SUFU: variants seen among roughly 807,000 people sequenced by gnomAD.
SUFU encodes the protein suppressor of fused homolog.
SUFU carries 7 observed loss-of-function variants against 58.9 expected under a neutral mutation model. That is an observed-to-expected ratio of 0.12 (90% CI 0.07 to 0.22). The LOEUF (loss-of-function observed/expected upper bound fraction) is 0.22. Among genes scored for constraint, SUFU ranks in the 10% least tolerant of loss-of-function variants. The pLI, the probability that SUFU is intolerant of heterozygous loss-of-function variation, is 1.00. For synonymous variants in SUFU, 232 were observed against 254.8 expected, an observed-to-expected ratio of 0.91 and a Z score of 0.85; for missense variants, 451 against 641.3, an observed-to-expected ratio of 0.70 and a Z score of 3.20.
At chr10:102,544,986 G>T (rs6584511) in intron 2 of SUFU, among the ~76,000 whole-genome samples, 1 of 152,226 alleles carries the variant, frequency 6.6e-6, no homozygotes, top group Non-Finnish European at 1.5e-5. Flanking sequence ...CATTGTACAG[G>T]TATACCATAT....
In SUFU at chr10:102,631,447, G is replaced by A. The variant is rs542850144; in HGVS notation, c.*1292G>A. On this transcript the variant is annotated 3_prime_UTR_variant, in exon 12 of 12. Coordinates refer to ENST00000369902, the MANE Select transcript of SUFU (RefSeq NM_016169.4). The stretch of plus-strand genomic sequence containing the variant: ...AGCCCATGGTTTTGGAGTTCCTCTC[G>A]GGTTATCTCCCACGCCTGACCTGGA... 4.3e-6 allele frequency: 1 copy of A among 233,500 alleles called. No individual in the cohort carries two copies. Among genetic ancestry groups the A allele is most frequent in the Admixed American group, 5.6e-5 (1 of 17,788 alleles). 14.5% of individuals were successfully genotyped at this position (233,500 alleles called of 1,614,324 possible). A position where few individuals can be genotyped will look rare whatever the true frequency, so the allele number is the denominator to read the frequency against.
chr10:102,528,961 C>CT (rs33942579), intron 2 of SUFU, among the ~76,000 whole-genome samples: 30,969 of 131,066 alleles, frequency 0.24, 3,734 homozygotes, highest in Middle Eastern at 0.31. Flanking sequence ...TTTTTCCTTT[C>CT]TTTTTTTTTT....
chr10:102,620,109 T>C (rs928702225), intron 10 of SUFU, among the ~76,000 whole-genome samples: 2 of 152,132 alleles, frequency 1.3e-5, no homozygotes, highest in Admixed American at 1.3e-4. Flanking sequence ...GACCCAGTCT[T>C]ATGTTCTCTT....
At chr10:102,521,519 A>G (rs925666600) in intron 2 of SUFU, among the ~76,000 whole-genome samples, 2 of 152,078 alleles carry the variant, frequency 1.3e-5, no homozygotes, top group African/African-American at 2.4e-5. Flanking sequence ...TCTCCACCTT[A>G]TATTCTCCAA....
intron 3 of SUFU, among the ~76,000 whole-genome samples, chr10:102,565,571 G>A (rs1390956452): frequency 6.6e-6 from 1 of 152,212 alleles, no homozygotes; most frequent in Non-Finnish European, 1.5e-5. Flanking sequence ...TTGAGACGGA[G>A]TCTCGCTCTG....
At chr10:102,512,595 A>G (rs1025223588) in intron 2 of SUFU, among the ~76,000 whole-genome samples, 4 of 152,188 alleles carry the variant, frequency 2.6e-5, no homozygotes, top group African/African-American at 7.2e-5. Flanking sequence ...TCATTTCTAC[A>G]TGGTACAGCA....
At chr10:102,567,639 G>A (rs146536143) in intron 3 of SUFU, among the ~76,000 whole-genome samples, 1 of 152,188 alleles carries the variant, frequency 6.6e-6, no homozygotes, top group Non-Finnish European at 1.5e-5. Context: ...TTGAGCCAGG[G>A]GAGGAAGAGA....
At chr10:102,596,968 T>G (rs1358180528) in intron 6 of SUFU, among the ~76,000 whole-genome samples, 172 bp from the exon 7 acceptor site, 1 of 152,122 alleles carries the variant, frequency 6.6e-6, no homozygotes, top group Non-Finnish European at 1.5e-5. Context: ...GAGACCATCA[T>G]GCATTGGTAA....
rs970756812 is a variant in SUFU at position 102,631,427 on chromosome 10, A to G, written c.*1272A>G. On this transcript the variant is annotated 3_prime_UTR_variant, in exon 12 of 12. Coordinates refer to ENST00000369902, the MANE Select transcript of SUFU (RefSeq NM_016169.4). ...CCAGAAGCCAGCCTATCTCTAGCCC[A>G]TGGTTTTGGAGTTCCTCTCGGGTTA... 9.4e-5 allele frequency: 22 copies of G among 233,152 alleles called. No individual in the cohort carries two copies. Among genetic ancestry groups the G allele is most frequent in the Non-Finnish European group, 1.9e-4 (22 of 118,186 alleles). The allele number at this position is 233,152 out of a possible 1,614,324, so 14.4% of individuals were successfully genotyped here. A position where few individuals can be genotyped will look rare whatever the true frequency, so the allele number is the denominator to read the frequency against.
chr10:102,508,969 G>C (rs1413217322), intron 1 of SUFU, among the ~76,000 whole-genome samples, 200 bp from the exon 2 acceptor site: 1 of 152,230 alleles, frequency 6.6e-6, no homozygotes, highest in East Asian at 1.9e-4. Flanking sequence ...GGAGAAGGGA[G>C]CCTCTTGGGC....
rs1170831161 is a variant in SUFU, at chr10:102,506,039, GAAAAAA to G, written c.182+1727_182+1732del. On this transcript the variant is annotated intron_variant, in intron 1 of 11. Coordinates refer to ENST00000369902, the MANE Select transcript of SUFU (RefSeq NM_016169.4). ...TAGCCAGACCCTAACTCTGTTATTT[GAAAAAA>G]AAAAAAAAAAAAAAAAAAAAAGAAG... Among the ~76,000 whole-genome samples, 247 of 84,206 alleles carry G rather than the reference GAAAAAA, an allele frequency of 2.9e-3. 5 individuals carry two copies. Among genetic ancestry groups the G allele is most frequent in the East Asian group, 3.4e-3 (8 of 2,384 alleles). 55.2% of individuals were successfully genotyped at this position (84,206 alleles called of 152,430 possible).
intron 2 of SUFU, among the ~76,000 whole-genome samples, chr10:102,522,727 G>C (rs1230469684): frequency 2.6e-5 from 4 of 152,182 alleles, no homozygotes; most frequent in Non-Finnish European, 5.9e-5. Context: ...TGGGTAAGCA[G>C]ACACACTTAG....
At position 102,612,169 on chromosome 10, in the gene SUFU, TTGTGTG is replaced by T. The variant is rs34032732; in HGVS notation, c.1023-3064_1023-3059del. Among the ~76,000 whole-genome samples, 1,406 of 148,316 alleles carry T rather than the reference TTGTGTG, an allele frequency of 9.5e-3. 10 individuals carry two copies. Among genetic ancestry groups the T allele is most frequent in the African/African-American group, 0.018 (722 of 40,308 alleles). On this transcript the variant is annotated intron_variant, in intron 8 of 11. Transcript: ENST00000369902. ...AACAAATCAGCAGAAAACTGGGTTC[TTGTGTG>T]TGTGTGTGTGTGTGTGTGTGTGTGT...
intron 2 of SUFU, among the ~76,000 whole-genome samples, chr10:102,517,895 G>A (rs961213158): frequency 6.6e-6 from 1 of 152,176 alleles, no homozygotes; most frequent in African/African-American, 2.4e-5. Context: ...CATTGGACAA[G>A]ATGATGTGTT....
intron 8 of SUFU, among the ~76,000 whole-genome samples, chr10:102,611,919 C>T (rs922694567): frequency 6.6e-6 from 1 of 152,208 alleles, no homozygotes; most frequent in Non-Finnish European, 1.5e-5. Flanking sequence ...GAGAGCCCCT[C>T]TCCCTTCCAG....
chr10:102,545,293 ATTTTTTT>A (rs1162195255), intron 2 of SUFU, among the ~76,000 whole-genome samples: 5 of 106,298 alleles, frequency 4.7e-5, no homozygotes, highest in Non-Finnish European at 9.3e-5. Context: ...TAATTTTTGT[ATTTTTTT>A]TTTTTTTTTT....
At chr10:102,595,584 T>C (rs545613299) in intron 6 of SUFU, among the ~76,000 whole-genome samples, 1 of 33,208 alleles carries the variant, frequency 3.0e-5, no homozygotes, top group Non-Finnish European at 5.6e-5. Context: ...TGTCCTTCCA[T>C]GCCAAGGGCT....
At position 102,592,580 on chromosome 10, in the gene SUFU, A is replaced by G; in HGVS notation, c.455-2A>G. ...ATGAGGATCCTTGTATCTCTCCCAC[A>G]GAGAACACCTTCTGCAGTGGGGACC... On this transcript the variant is annotated splice_acceptor_variant, in intron 3 of 11. Transcript: ENST00000369902. LOFTEE classifies it high-confidence loss of function. 6.2e-7 allele frequency: 1 copy of G among 1,613,920 alleles called. No individual in the cohort carries two copies. The highest frequency in any genetic ancestry group is 8.5e-7 in the Non-Finnish European group (1 of 1,179,864).
At chr10:102,510,516 C>G (rs1371488710) in intron 2 of SUFU, among the ~76,000 whole-genome samples, 1 of 148,800 alleles carries the variant, frequency 6.7e-6, no homozygotes, top group African/African-American at 2.5e-5. Context: ...CTGCTACCAT[C>G]TATATTTTAA....
Sources: allele counts gnomAD v4.1 joint callset (sites outside exome capture counted in the v4.1 genomes callset), GRCh38; gene constraint gnomAD v4.1.1; transcripts MANE v1.5; gene names NCBI Gene and HGNC (gene_info 2026-07-23, HGNC 2026-07-21).